The following TBL1XR1 variants were observed in gnomAD, a reference collection of about 807,000 sequenced individuals.
The protein encoded by TBL1XR1 is TBL1X/Y related 1, also known as F-box-like/WD repeat-containing protein TBL1XR1.
In TBL1XR1, 5 loss-of-function variants were observed where a neutral mutation model predicts 66.9. The observed-to-expected ratio is 0.07, with a 90% CI of 0.04 to 0.16. The LOEUF (loss-of-function observed/expected upper bound fraction) is 0.16, where lower values mean the gene tolerates loss of function less well. Ranked by LOEUF, TBL1XR1 falls within the 10% of genes least tolerant of loss-of-function variation. The pLI is 1.00. For synonymous variants in TBL1XR1, 210 were observed against 206.0 expected, an observed-to-expected ratio of 1.02 and a Z score of -0.17; for missense variants, 238 against 623.2, an observed-to-expected ratio of 0.38 and a Z score of 6.58.
intron 1 of TBL1XR1, among the ~76,000 whole-genome samples, chr3:177,117,515 A>T (rs1472568855): frequency 3.3e-5 from 5 of 152,220 alleles, no homozygotes; most frequent in Admixed American, 3.3e-4. Context: ...TAAAACAGTC[A>T]TAGAAAATAC....
At chr3:177,174,152 G>C (rs893778806) in intron 1 of TBL1XR1, among the ~76,000 whole-genome samples, 1 of 152,014 alleles carries the variant, frequency 6.6e-6, no homozygotes, top group African/African-American at 2.4e-5. Flanking sequence ...GGTGGCTCAC[G>C]CCTGTACTCC....
At chr3:177,170,245 T>C (rs1038599430) in intron 1 of TBL1XR1, among the ~76,000 whole-genome samples, 11 of 152,266 alleles carry the variant, frequency 7.2e-5, no homozygotes, top group African/African-American at 2.6e-4. Flanking sequence ...AAGCCTCTCA[T>C]GACCTGGGAT....
chr3:177,185,901 C>T (rs1289607793), intron 1 of TBL1XR1, among the ~76,000 whole-genome samples: 8 of 152,086 alleles, frequency 5.3e-5, no homozygotes. Context: ...GTCCTACCTA[C>T]TCAGGAGGCT....
At chr3:177,126,847 T>C (rs1443316396) in intron 1 of TBL1XR1, among the ~76,000 whole-genome samples, 1 of 150,642 alleles carries the variant, frequency 6.6e-6, no homozygotes, top group Non-Finnish European at 1.5e-5. Context: ...GTCAAGCTTT[T>C]ACAGAGAAAT....
chr3:177,099,929 AAATAAT>A (rs1441353038), intron 1 of TBL1XR1, among the ~76,000 whole-genome samples: 1 of 152,256 alleles, frequency 6.6e-6, no homozygotes, highest in Non-Finnish European at 1.5e-5. Context: ...ATGTACTACT[AAATAAT>A]GTGTATTTTA....
chr3:177,062,768 G>A (rs1460335820), intron 3 of TBL1XR1, among the ~76,000 whole-genome samples: 1 of 151,790 alleles, frequency 6.6e-6, no homozygotes, highest in Non-Finnish European at 1.5e-5. Context: ...TTAATTCTTG[G>A]TTTATTTTTA....
intron 1 of TBL1XR1, among the ~76,000 whole-genome samples, chr3:177,134,356 C>G (rs1397008090): frequency 6.6e-6 from 1 of 152,016 alleles, no homozygotes; most frequent in Non-Finnish European, 1.5e-5. Flanking sequence ...CAGAGGAAAG[C>G]CTGGTCTATT....
chr3:177,049,806 C>T (rs1716804145), intron 7 of TBL1XR1, among the ~76,000 whole-genome samples, 191 bp downstream of exon 7: 1 of 152,140 alleles, frequency 6.6e-6, no homozygotes, highest in Admixed American at 6.5e-5. Context: ...GATGTTGAAC[C>T]TTGGTCTGAC....
At chr3:177,117,268 T>C (rs1009913278) in intron 1 of TBL1XR1, among the ~76,000 whole-genome samples, 1 of 152,190 alleles carries the variant, frequency 6.6e-6, no homozygotes, top group Non-Finnish European at 1.5e-5. Context: ...GTCTTCCAAA[T>C]AGTAGCTGCG....
chr3:177,198,116 G>A (rs1014035260), upstream of TBL1XR1, among the ~76,000 whole-genome samples: 1 of 152,126 alleles, frequency 6.6e-6, no homozygotes, highest in African/African-American at 2.4e-5. Flanking sequence ...ACCTTTGTGT[G>A]CGTAAATACA....
chr3:177,064,356 T>C (rs940463560), intron 3 of TBL1XR1, among the ~76,000 whole-genome samples: 5 of 152,208 alleles, frequency 3.3e-5, no homozygotes, highest in Non-Finnish European at 5.9e-5. Flanking sequence ...CCCCTTGCAG[T>C]ATTCCTTCTG....
chr3:177,112,779 C>T (rs552103490), intron 1 of TBL1XR1, among the ~76,000 whole-genome samples: 10 of 151,892 alleles, frequency 6.6e-5, no homozygotes, highest in Non-Finnish European at 1.3e-4. Flanking sequence ...CTGAGGCGGG[C>T]GGATCACGAA....
chr3:177,193,800 T>C (rs1348615754), intron 1 of TBL1XR1, among the ~76,000 whole-genome samples: 2 of 151,964 alleles, frequency 1.3e-5, no homozygotes, highest in African/African-American at 2.4e-5. Flanking sequence ...GCTGGGAAAA[T>C]TCCGCAGATT....
At chr3:177,119,253 G>A (rs1474958720) in intron 1 of TBL1XR1, among the ~76,000 whole-genome samples, 7 of 152,130 alleles carry the variant, frequency 4.6e-5, no homozygotes, top group Non-Finnish European at 1.0e-4. Flanking sequence ...GATTACAGGC[G>A]TGAGCCACCG....
At chr3:177,092,856 A>C (rs1036782645) in intron 2 of TBL1XR1, among the ~76,000 whole-genome samples, 1 of 152,184 alleles carries the variant, frequency 6.6e-6, no homozygotes, top group African/African-American at 2.4e-5. Context: ...AGGACTATTC[A>C]TAACAGCCAA....
intron 1 of TBL1XR1, among the ~76,000 whole-genome samples, chr3:177,169,814 A>G (rs1328767119): frequency 6.6e-6 from 1 of 152,240 alleles, no homozygotes; most frequent in Non-Finnish European, 1.5e-5. Context: ...GGAGATGAAG[A>G]GTTCCACAAT....
In TBL1XR1 at chr3:177,033,076, G is replaced by A. The variant is rs766951138; in HGVS notation, c.1311C>T (p.Thr437=). The change falls in exon 14 of 16, where the codon ACC becomes ACT. Residue 437 remains threonine (T), a synonymous_variant. Transcript: ENST00000457928. The part of the protein sequence containing the change: ...WDVDRGICIH[T]LTKHQEPVYS... ...ACACAGGCTCTTGGTGTTTTGTCAA[G>A]GTATGGATGCATATCCCTCGGTCTA... is the stretch of plus-strand genomic sequence containing the variant. 6.2e-7 allele frequency: 1 copy of A among 1,606,678 alleles called. No homozygotes were observed. Among genetic ancestry groups the A allele is most frequent in the Admixed American group, 1.7e-5 (1 of 59,392 alleles).
At chr3:177,126,928 G>A (rs1049404190) in intron 1 of TBL1XR1, among the ~76,000 whole-genome samples, 4 of 151,988 alleles carry the variant, frequency 2.6e-5, no homozygotes, top group Admixed American at 6.6e-5. Context: ...CTAAGTTTAG[G>A]CTTAAGGAAT....
At chr3:177,159,350 T>A (rs1560242704) in intron 1 of TBL1XR1, among the ~76,000 whole-genome samples, 1 of 152,080 alleles carries the variant, frequency 6.6e-6, no homozygotes, top group East Asian at 1.9e-4. Flanking sequence ...ACAACTGGAG[T>A]ATACATTTTA....
Sources: allele counts gnomAD v4.1 joint callset (sites outside exome capture counted in the v4.1 genomes callset), GRCh38; gene constraint gnomAD v4.1.1; transcripts MANE v1.5; gene names NCBI Gene and HGNC (gene_info 2026-07-23, HGNC 2026-07-21).